Variants in TTLL4 observed in about 807,000 individuals in gnomAD.
The protein encoded by TTLL4 is tubulin tyrosine ligase like 4.
In TTLL4, 85 loss-of-function variants were observed where a neutral mutation model predicts 122.7. The observed-to-expected ratio is 0.69, with a 90% CI of 0.58 to 0.83. The LOEUF is 0.83. Among genes scored for constraint, TTLL4 ranks in the 40% least tolerant of loss-of-function variants. The pLI is 0.00. For missense variants in TTLL4, 1,363 were observed against 1,488.6 expected (o/e 0.92, Z 1.39); for synonymous variants, 553 against 563.0 (o/e 0.98, Z 0.25).
intron 2 of TTLL4, among the ~76,000 whole-genome samples, chr2:218,730,032 A>G (rs191283722): frequency 6.4e-4 from 97 of 152,264 alleles, no homozygotes; most frequent in African/African-American, 2.1e-3. Context: ...GCGTGAGCCA[A>G]TGTGCCCAGC....
At chr2:218,717,613 T>C (rs1211563015) in intron 1 of TTLL4, among the ~76,000 whole-genome samples, 2 of 152,186 alleles carry the variant, frequency 1.3e-5, no homozygotes, top group Non-Finnish European at 2.9e-5. Context: ...TCTTGACTTA[T>C]ACGGACCCAC....
Position 218,747,892 on chromosome 2 carries a change from C to A in TTLL4, c.2378+167C>A, listed in dbSNP as rs888126784. Reference sequence around the variant, plus strand: ...CTACTTCGTTAAATCTGGGGAGGGTCTTCCTGCATGCGGGACTGAGGTGGG... The same window carrying A: ...CTACTTCGTTAAATCTGGGGAGGGTATTCCTGCATGCGGGACTGAGGTGGG... On this transcript the variant is annotated intron_variant, in intron 11 of 19. Transcript: ENST00000392102. The surrounding 1 kb of genome is among the most constrained non-coding windows in gnomAD (Gnocchi z 4.7). 2 of 1,174,414 alleles carry A rather than the reference C, an allele frequency of 1.7e-6. No individual in the cohort carries two copies. The highest frequency in any genetic ancestry group is 2.4e-6 in the Non-Finnish European group (2 of 838,756). 72.7% of individuals were successfully genotyped at this position (1,174,414 alleles called of 1,614,324 possible). A position where few individuals can be genotyped will look rare whatever the true frequency, so the allele number is the denominator to read the frequency against.
chr2:218,716,370 A>G (rs371602830), intron 1 of TTLL4, among the ~76,000 whole-genome samples: 1 of 152,364 alleles, frequency 6.6e-6, no homozygotes. Flanking sequence ...CAATCACACA[A>G]GTGCTTTAGA....
At position 218,739,103 on chromosome 2, in the gene TTLL4, A is replaced by G. The variant is rs1942627951; in HGVS notation, c.1427A>G (p.Gln476Arg). 1 of 1,614,000 alleles carries G rather than the reference A, an allele frequency of 6.2e-7. No homozygotes were observed. The highest frequency in any genetic ancestry group is 1.3e-5 in the African/African-American group (1 of 74,934). Residue 476 changes from glutamine to arginine, a missense_variant, in exon 3 of 20, where the codon CAG becomes CGG. By Grantham distance (43) the Gln-to-Arg change is conservative. Around this residue, in one of 3 missense-constraint regions of TTLL4, gnomAD observed 760 missense variants for 808.4 expected, o/e 0.94. Transcript: ENST00000392102. ...CGCCTCTCTTCCATCCAGCTGGGCC[A>G]GTCTGAGAAGGAGAGACCTGAGGAG... ...ATRLSSIQLG[Q>R]SEKERPEEAR...
At chr2:218,735,490 T>G (rs1942491734) in intron 2 of TTLL4, among the ~76,000 whole-genome samples, 3 of 152,042 alleles carry the variant, frequency 2.0e-5, no homozygotes, top group Admixed American at 2.0e-4. Flanking sequence ...GGGAGGATCA[T>G]TTGAGTCCAG....
At chr2:218,746,041 GCAA>G in intron 7 of TTLL4, 111 bp from the exon 8 acceptor site, 1 of 1,252,204 alleles carries the variant, frequency 8.0e-7, no homozygotes, top group East Asian at 2.3e-5. Flanking sequence ...CAGCTCCATA[GCAA>G]CTCTTTGAAA....
intron 5 of TTLL4, among the ~76,000 whole-genome samples, chr2:218,742,790 A>G (rs867764560): frequency 3.6e-4 from 55 of 152,176 alleles, no homozygotes; most frequent in African/African-American, 1.3e-3. Flanking sequence ...AGTACAATAT[A>G]GTACACTTGG....
intron 1 of TTLL4, among the ~76,000 whole-genome samples, chr2:218,711,636 G>C (rs183991274): frequency 8.5e-5 from 13 of 152,106 alleles, no homozygotes; most frequent in Admixed American, 7.9e-4. Context: ...GGATAGAGTG[G>C]CTAATAGGAC....
rs909623322 is a variant in TTLL4 at position 218,754,951 on chromosome 2, G to A, written c.*562G>A. ...CCATTTCCTGTCATCCTAGTCTTGG[G>A]TCTTCACCGCCTCCTTCCAAATACC... On this transcript the variant is annotated 3_prime_UTR_variant, in exon 20 of 20. Coordinates refer to ENST00000392102, the MANE Select transcript of TTLL4 (RefSeq NM_014640.5). The A allele has an allele frequency of 6.5e-6, 1 of 154,868 alleles. No individual in the cohort carries two copies. The highest frequency in any genetic ancestry group is 2.4e-5 in the African/African-American group (1 of 41,430). The allele number at this position is 154,868 out of a possible 1,614,324, so 9.6% of individuals were successfully genotyped here.
intron 1 of TTLL4, among the ~76,000 whole-genome samples, chr2:218,716,892 C>A (rs566478586): frequency 1.3e-5 from 2 of 152,186 alleles, no homozygotes; most frequent in African/African-American, 4.8e-5. Context: ...TTCGTGCCAT[C>A]GTCTTGATTC....
In TTLL4 at chr2:218,737,754, C is replaced by T. The variant is rs1942567994; in HGVS notation, c.78C>T (p.Gly26=). 3 of 1,614,022 alleles carry T rather than the reference C, an allele frequency of 1.9e-6. No homozygotes were observed. In the African/African-American group the frequency reaches 4.0e-5, roughly 22 times the overall value. The change falls in exon 3 of 20, where the codon GGC becomes GGT. Residue 26 remains glycine, a synonymous_variant. Coordinates refer to ENST00000392102, the MANE Select transcript of TTLL4 (RefSeq NM_014640.5). The part of the protein sequence containing the change: ...KNSFKQSGPS[G]TVPATPPEKP... The stretch of plus-strand genomic sequence containing the variant: ...GCTTCAAGCAGAGTGGTCCCTCAGG[C>T]ACAGTACCTGCCACGCCACCTGAGA...
In TTLL4 at chr2:218,747,987, G is replaced by A. The variant is rs1482588571; in HGVS notation, c.2379-118G>A. 1.4e-6 allele frequency: 2 copies of A among 1,386,060 alleles called. No individual in the cohort carries two copies. Among genetic ancestry groups the A allele is most frequent in the Non-Finnish European group, 2.0e-6 (2 of 1,000,072 alleles). The allele number at this position is 1,386,060 out of a possible 1,614,324, so 85.9% of individuals were successfully genotyped here. On this transcript the variant is annotated intron_variant, in intron 11 of 19. Coordinates refer to ENST00000392102, the MANE Select transcript of TTLL4 (RefSeq NM_014640.5). The surrounding 1 kb of genome is among the most constrained non-coding windows in gnomAD (Gnocchi z 4.7). ...TAGACACACTTCTCAGGCTCTTGTG[G>A]CTATGAAAAGATCTGTGTACTTGTT...
At chr2:218,754,023 C>A (rs1342328946) in intron 19 of TTLL4, 111 bp from the exon 20 acceptor site, 4 of 1,489,654 alleles carry the variant, frequency 2.7e-6, no homozygotes, top group East Asian at 4.5e-5. Context: ...TAATTTTGGC[C>A]TACAACACTG....
rs1942872846 is a variant in TTLL4 at position 218,747,353 on chromosome 2, A to G, written c.2230A>G (p.Arg744Gly). Residue 744 changes from arginine to glycine, a missense_variant, in exon 10 of 20, where the codon AGG (arginine) becomes GGG (glycine). Arg to Gly is a moderately radical substitution (Grantham distance 125, BLOSUM62 -2). Transcript: ENST00000392102. This position sits in a 1 kb window ranked among gnomAD's most constrained non-coding sequence, Gnocchi z 4.7. ...IHKWSQLPKRRPLLVQRYLHK... is the reference protein window; with the variant it reads ...IHKWSQLPKRGPLLVQRYLHK... Reference sequence around the variant, plus strand: ...CAAGTGGAGTCAGCTCCCCAAGCGAAGGCCCCTCCTGGTACAGAGGTGAGC... The same window carrying G: ...CAAGTGGAGTCAGCTCCCCAAGCGAGGGCCCCTCCTGGTACAGAGGTGAGC... 1.9e-6 allele frequency: 3 copies of G among 1,614,178 alleles called. No homozygotes were observed. The highest frequency in any genetic ancestry group is 2.5e-6 in the Non-Finnish European group (3 of 1,180,044).
At chr2:218,745,923 C>T (rs1397673574) in intron 7 of TTLL4, 122 bp downstream of exon 7, 1 of 954,544 alleles carries the variant, frequency 1.0e-6, no homozygotes, top group African/African-American at 1.6e-5. Context: ...TCCTGAAATC[C>T]AACCTCATAG....
rs1943110853 is a variant in TTLL4, at chr2:218,754,430, T to A, written c.*41T>A. On this transcript the variant is annotated 3_prime_UTR_variant, in exon 20 of 20. Transcript: ENST00000392102. The stretch of plus-strand genomic sequence containing the variant: ...AAGCCTCTGCCCAGGAGCATGGGCA[T>A]CAGCTACCTCACGGGAACCAGCCTG... 2 of 1,609,034 alleles carry A rather than the reference T, an allele frequency of 1.2e-6. No individual in the cohort carries two copies. The highest frequency in any genetic ancestry group is 2.2e-5 in the South Asian group (2 of 90,712).
chr2:218,747,970 C>T lies in TTLL4; in HGVS notation c.2379-135C>T. On this transcript the variant is annotated intron_variant, in intron 11 of 19. Coordinates refer to ENST00000392102, the MANE Select transcript of TTLL4 (RefSeq NM_014640.5). The surrounding 1 kb of genome is among the most constrained non-coding windows in gnomAD (Gnocchi z 4.7). ...TTTCAGAACTTTGCCAGTAGACACACTTCTCAGGCTCTTGTGGCTATGAAA... is the reference window on the plus strand; with the variant it reads ...TTTCAGAACTTTGCCAGTAGACACATTTCTCAGGCTCTTGTGGCTATGAAA... 1 of 1,295,034 alleles carries T rather than the reference C, an allele frequency of 7.7e-7. No homozygotes were observed. The highest frequency in any genetic ancestry group is 1.4e-5 in the South Asian group (1 of 73,126). The allele number at this position is 1,295,034 out of a possible 1,614,324, so 80.2% of individuals were successfully genotyped here. A position where few individuals can be genotyped will look rare whatever the true frequency, so the allele number is the denominator to read the frequency against.
chr2:218,749,134 G>A (rs1942944960), intron 13 of TTLL4, 119 bp from the exon 14 acceptor site: 1 of 1,452,120 alleles, frequency 6.9e-7, no homozygotes, highest in Non-Finnish European at 9.4e-7. Context: ...TCACTTGAGA[G>A]CTACCTTTCC....
intron 2 of TTLL4, among the ~76,000 whole-genome samples, chr2:218,733,661 A>G (rs1575168959): frequency 6.6e-6 from 1 of 152,350 alleles, no homozygotes; most frequent in Admixed American, 6.5e-5. Context: ...ACTCTACTCT[A>G]GTACCTGCCC....
Sources: gnomAD v4.1 joint callset for allele counts (sites outside exome capture counted in the v4.1 genomes callset) on GRCh38, gnomAD v4.1.1 for gene constraint, gnomAD v4.1.1 regional missense constraint, Gnocchi (gnomAD v3.1) non-coding constraint, MANE v1.5 for transcripts, NCBI Gene and HGNC (gene_info 2026-07-23, HGNC 2026-07-21) for gene names.